Variants in SSBP2 observed in about 807,000 individuals in gnomAD.
The protein encoded by SSBP2 is single stranded DNA binding protein 2, also known as single-stranded DNA-binding protein 2.
In SSBP2, 17 loss-of-function variants were observed where a neutral mutation model predicts 61.8. The ratio of observed to expected loss-of-function variants is 0.28; its 90% CI spans 0.19 to 0.41. The LOEUF (loss-of-function observed/expected upper bound fraction) is 0.41. SSBP2 is among the 10% of genes least tolerant of loss of function. The pLI is 1.00. For synonymous variants in SSBP2, 139 were observed against 141.3 expected, an observed-to-expected ratio of 0.98 and a Z score of 0.12; for missense variants, 310 against 458.7, an observed-to-expected ratio of 0.68 and a Z score of 2.96.
Position 81,446,787 on chromosome 5 carries a change from C to T in SSBP2, c.778+81G>A, listed in dbSNP as rs1045146643. ...ATCGTGAGAACATGAATACTACTAA[C>T]TTTATTTCATGAACAATTTCTATAT... On this transcript the variant is annotated intron_variant, in intron 12 of 16. Coordinates refer to ENST00000320672, the MANE Select transcript of SSBP2 (RefSeq NM_012446.5). 2.1e-6 allele frequency: 3 copies of T among 1,410,118 alleles called. No individual in the cohort carries two copies. The African/African-American group carries it at 4.3e-5, about 20-fold the overall frequency. 87.4% of individuals were successfully genotyped at this position (1,410,118 alleles called of 1,614,324 possible).
At chr5:81,592,878 A>G (rs1234134664) in intron 4 of SSBP2, among the ~76,000 whole-genome samples, 1 of 152,206 alleles carries the variant, frequency 6.6e-6, no homozygotes, top group African/African-American at 2.4e-5. Flanking sequence ...GGATACAACC[A>G]CAAAGATGGG....
Position 81,692,453 on chromosome 5 carries a change from A to G in SSBP2, c.63-42114T>C, listed in dbSNP as rs529429453. On this transcript the variant is annotated intron_variant, in intron 1 of 16. Transcript: ENST00000320672. Reference sequence around the variant, plus strand: ...CTACCCAAAGCAATCTACAGATTCAATGCAATCCATATTAAAATACCAATG... The same window carrying G: ...CTACCCAAAGCAATCTACAGATTCAGTGCAATCCATATTAAAATACCAATG... Among the ~76,000 whole-genome samples, 9 of 152,358 alleles carry G rather than the reference A, an allele frequency of 5.9e-5. No homozygotes were observed. In the South Asian group the frequency reaches 1.9e-3, roughly 32 times the overall value.
intron 5 of SSBP2, among the ~76,000 whole-genome samples, chr5:81,499,906 G>A (rs1015477525): frequency 1.3e-5 from 2 of 152,106 alleles, no homozygotes; most frequent in African/African-American, 4.8e-5. Context: ...ATGTAACACT[G>A]CAAAAAAGCA....
intron 1 of SSBP2, among the ~76,000 whole-genome samples, chr5:81,720,985 A>T (rs1402213606): frequency 6.6e-6 from 1 of 152,182 alleles, no homozygotes; most frequent in Admixed American, 6.6e-5. Flanking sequence ...CATGCTTGCT[A>T]GGTAATACAA....
chr5:81,713,342 A>G (rs1219630629), intron 1 of SSBP2, among the ~76,000 whole-genome samples: 3 of 151,620 alleles, frequency 2.0e-5, no homozygotes, highest in African/African-American at 7.3e-5. Context: ...CCCCTCCCCA[A>G]CCCCAGCAAA....
At chr5:81,595,784 T>A (rs1743675539) in intron 4 of SSBP2, among the ~76,000 whole-genome samples, 1 of 152,118 alleles carries the variant, frequency 6.6e-6, no homozygotes, top group Non-Finnish European at 1.5e-5. Flanking sequence ...TTTGACAAAA[T>A]TCAACAACAC....
At chr5:81,525,318 T>A (rs1769834785) in intron 4 of SSBP2, among the ~76,000 whole-genome samples, 1 of 151,942 alleles carries the variant, frequency 6.6e-6, no homozygotes, top group Non-Finnish European at 1.5e-5. Flanking sequence ...TTTTTTCTGA[T>A]CATCTCCCTC....
intron 4 of SSBP2, among the ~76,000 whole-genome samples, chr5:81,568,891 G>A (rs1240344811): frequency 6.6e-6 from 1 of 152,106 alleles, no homozygotes; most frequent in Admixed American, 6.5e-5. Flanking sequence ...ATAAACAAAG[G>A]TATGTAGAAA....
chr5:81,710,819 G>A, intron 1 of SSBP2: 2 of 373,776 alleles, frequency 5.4e-6, no homozygotes, highest in Middle Eastern at 3.7e-4. Context: ...GGCAAAAATT[G>A]GCAGGAAGGA....
At chr5:81,501,559 TTTTC>T (rs1375855036) in intron 5 of SSBP2, among the ~76,000 whole-genome samples, 75 of 137,316 alleles carry the variant, frequency 5.5e-4, no homozygotes, top group African/African-American at 1.8e-3. Flanking sequence ...TCTTTCTTTC[TTTTC>T]TTTTTTTTTT....
intron 1 of SSBP2, among the ~76,000 whole-genome samples, chr5:81,736,759 T>G (rs889791231): frequency 2.6e-5 from 4 of 152,200 alleles, no homozygotes; most frequent in Admixed American, 2.0e-4. Context: ...GGTATTCTCA[T>G]TTGTCCCTTC....
rs1300868072 is a variant in SSBP2 at position 81,512,432 on chromosome 5, G to A, written c.372+1196C>T. 2.0e-5 allele frequency among the ~76,000 whole-genome samples: 3 copies of A among 152,308 alleles called. No homozygotes were observed. In the East Asian group the frequency reaches 5.8e-4, roughly 29 times the overall value. On this transcript the variant is annotated intron_variant, in intron 5 of 16. Transcript: ENST00000320672. Reference sequence around the variant, plus strand: ...GAAGCATGGCATGTAGTTAGCAGTTGTTAAGTGTAAGCTTTTATTTTCAAT... The same window carrying A: ...GAAGCATGGCATGTAGTTAGCAGTTATTAAGTGTAAGCTTTTATTTTCAAT...
intron 4 of SSBP2, among the ~76,000 whole-genome samples, chr5:81,608,257 C>T (rs1745069547): frequency 6.6e-6 from 1 of 152,086 alleles, no homozygotes; most frequent in African/African-American, 2.4e-5. Context: ...TCAATACTTA[C>T]AACTAGACAG....
intron 1 of SSBP2, among the ~76,000 whole-genome samples, chr5:81,722,007 AT>A (rs1430411573): frequency 6.6e-6 from 1 of 151,916 alleles, no homozygotes; most frequent in Non-Finnish European, 1.5e-5. Context: ...ACAAAAAAAA[AT>A]CTTTCCTTCC....
rs1445304401 is a variant in SSBP2 at position 81,418,919 on chromosome 5, TAAAC to T, written c.*1581_*1584del. Reference sequence around the variant, plus strand: ...AGAGAAGATTCCTCTTACCTGCAATTAAACAATGCTTTTCAAAGTCTCTAGAGTT... The same window carrying T: ...AGAGAAGATTCCTCTTACCTGCAATTAATGCTTTTCAAAGTCTCTAGAGTT... On this transcript the variant is annotated 3_prime_UTR_variant, in exon 17 of 17. Coordinates refer to ENST00000320672, the MANE Select transcript of SSBP2 (RefSeq NM_012446.5). 6.6e-6 allele frequency: 1 copy of T among 152,212 alleles called. No homozygotes were observed. The highest frequency in any genetic ancestry group is 1.5e-5 in the Non-Finnish European group (1 of 68,026). The allele number at this position is 152,212 out of a possible 1,614,324, so 9.4% of individuals were successfully genotyped here. A position where few individuals can be genotyped will look rare whatever the true frequency, so the allele number is the denominator to read the frequency against.
At chr5:81,583,437 G>A (rs1368402132) in intron 4 of SSBP2, among the ~76,000 whole-genome samples, 1 of 151,912 alleles carries the variant, frequency 6.6e-6, no homozygotes, top group Non-Finnish European at 1.5e-5. Flanking sequence ...AGACCATCCT[G>A]GCTAACACGG....
intron 2 of SSBP2, among the ~76,000 whole-genome samples, chr5:81,639,860 G>C (rs1416802767): frequency 6.6e-6 from 1 of 152,018 alleles, no homozygotes; most frequent in Non-Finnish European, 1.5e-5. Flanking sequence ...TTTAAAACAG[G>C]AACTCAGAAA....
At chr5:81,507,877 T>C (rs557973027) in intron 5 of SSBP2, among the ~76,000 whole-genome samples, 4 of 152,230 alleles carry the variant, frequency 2.6e-5, no homozygotes, top group Admixed American at 1.3e-4. Context: ...ACAAAAGAAT[T>C]AGTACTTTTG....
chr5:81,670,602 T>TA (rs1751515152), intron 1 of SSBP2, among the ~76,000 whole-genome samples: 2 of 152,214 alleles, frequency 1.3e-5, no homozygotes, highest in African/African-American at 4.8e-5. Context: ...GAAAATACTT[T>TA]AAAGCTTTCT....
Sources: allele counts gnomAD v4.1 joint callset (sites outside exome capture counted in the v4.1 genomes callset), GRCh38; gene constraint gnomAD v4.1.1; transcripts MANE v1.5; gene names NCBI Gene and HGNC (gene_info 2026-07-23, HGNC 2026-07-21).